STXBP6: variants seen among roughly 807,000 people sequenced by gnomAD.
STXBP6 encodes syntaxin-binding protein 6.
Under a neutral mutation model 26.9 loss-of-function variants are expected in STXBP6, and 21 were observed. The observed-to-expected ratio is 0.78, with a 90% CI of 0.55 to 1.12. The LOEUF (loss-of-function observed/expected upper bound fraction) is 1.12. Ranked by LOEUF, STXBP6 falls within the 50% of genes most tolerant of loss-of-function variation. The probability of loss-of-function intolerance (pLI) is 0.00; values close to 1 mark genes in which losing one functional copy is unlikely to be tolerated. For synonymous variants in STXBP6, 97 were observed against 92.6 expected (o/e 1.05, Z -0.27); for missense variants, 232 against 257.9 (o/e 0.90, Z 0.69).
At chr14:25,033,293 C>CA (rs1359804826) in intron 1 of STXBP6, among the ~76,000 whole-genome samples, 1 of 152,180 alleles carries the variant, frequency 6.6e-6, no homozygotes, top group Non-Finnish European at 1.5e-5. Flanking sequence ...TCCATACCTC[C>CA]ACCCGGTTCG....
At chr14:24,916,459 T>G (rs1045802258) in intron 2 of STXBP6, among the ~76,000 whole-genome samples, 7 of 152,132 alleles carry the variant, frequency 4.6e-5, no homozygotes, top group Admixed American at 4.6e-4. Flanking sequence ...ACTGAGTAAT[T>G]AGCCATAGCA....
At chr14:24,978,923 C>T (rs1353399875) in intron 1 of STXBP6, among the ~76,000 whole-genome samples, 1 of 152,144 alleles carries the variant, frequency 6.6e-6, no homozygotes, top group Non-Finnish European at 1.5e-5. Flanking sequence ...TAAGATGCAA[C>T]ATTTTTGGTT....
chr14:25,007,483 G>C (rs1447929742), intron 1 of STXBP6, among the ~76,000 whole-genome samples: 1 of 152,180 alleles, frequency 6.6e-6, no homozygotes, highest in Non-Finnish European at 1.5e-5. Context: ...CCCAGGTCCT[G>C]ACATGGTTCC....
intron 1 of STXBP6, among the ~76,000 whole-genome samples, chr14:25,007,048 A>T (rs1344990564): frequency 1.3e-5 from 2 of 152,230 alleles, no homozygotes; most frequent in Non-Finnish European, 2.9e-5. Context: ...CATATGACAT[A>T]GACTTTCATG....
intron 2 of STXBP6, among the ~76,000 whole-genome samples, chr14:24,938,872 T>C (rs926761857): frequency 5.3e-5 from 8 of 152,074 alleles, no homozygotes; most frequent in Non-Finnish European, 8.8e-5. Context: ...TGTATTCAAC[T>C]TGCTCTATTA....
intron 2 of STXBP6, among the ~76,000 whole-genome samples, chr14:24,899,597 A>G (rs577063262): frequency 2.0e-5 from 3 of 151,988 alleles, no homozygotes; most frequent in South Asian, 4.2e-4. Flanking sequence ...CCTGGCCAAC[A>G]TGACGAAACC....
chr14:24,974,457 C>T (rs543182804), intron 2 of STXBP6, among the ~76,000 whole-genome samples: 1 of 152,214 alleles, frequency 6.6e-6, no homozygotes, highest in South Asian at 2.1e-4. Context: ...GAAAATACAC[C>T]CGAATTGAAC....
rs572590629 is a variant in STXBP6 at position 25,036,952 on chromosome 14, G to A, written c.-33+12926C>T. ...CCTGAAAAAGACCTGCTTTTTACAC[G>A]GAATATACACGGAATATATTTCCAA... On this transcript the variant is annotated intron_variant, in intron 1 of 5. Coordinates refer to ENST00000323944, the MANE Select transcript of STXBP6 (RefSeq NM_001394410.1). Among the ~76,000 whole-genome samples the A allele has an allele frequency of 2.6e-5, 4 of 151,776 alleles. No homozygotes were observed. In the South Asian group the frequency reaches 8.4e-4, roughly 32 times the overall value.
At chr14:24,815,615 C>A (rs773174029) in intron 5 of STXBP6, 6 of 152,044 alleles carry the variant, frequency 3.9e-5, no homozygotes, top group Non-Finnish European at 7.4e-5. Flanking sequence ...TTTCTTCCCC[C>A]ACACACGTAG....
At chr14:24,911,715 T>C (rs544920985) in intron 2 of STXBP6, among the ~76,000 whole-genome samples, 42 of 152,258 alleles carry the variant, frequency 2.8e-4, no homozygotes, top group Admixed American at 4.6e-4. Context: ...CTCAGAGTGT[T>C]CCAAACCTTT....
intron 1 of STXBP6, among the ~76,000 whole-genome samples, chr14:24,986,422 C>T (rs923879157): frequency 6.6e-6 from 1 of 152,118 alleles, no homozygotes; most frequent in African/African-American, 2.4e-5. Context: ...GAGCCACTGG[C>T]AGAAGAATAC....
At chr14:24,884,445 G>C (rs1269380776) in intron 2 of STXBP6, among the ~76,000 whole-genome samples, 1 of 151,996 alleles carries the variant, frequency 6.6e-6, no homozygotes, top group African/African-American at 2.4e-5. Flanking sequence ...CACAATAAAG[G>C]AATCCTATTT....
chr14:25,033,839 C>T (rs1037529204), intron 1 of STXBP6, among the ~76,000 whole-genome samples: 6 of 152,128 alleles, frequency 3.9e-5, no homozygotes, highest in African/African-American at 7.2e-5. Context: ...CCATGAAAAT[C>T]GGTTACACAC....
intron 2 of STXBP6, among the ~76,000 whole-genome samples, chr14:24,921,311 C>T (rs1219198977): frequency 1.3e-5 from 2 of 152,118 alleles, no homozygotes; most frequent in African/African-American, 2.4e-5. Flanking sequence ...CCAGCTTCAA[C>T]CAGGCATCTA....
Position 24,812,411 on chromosome 14 carries a change from T to A in STXBP6, c.*298A>T. The A allele has an allele frequency of 3.8e-6, 1 of 260,658 alleles. No homozygotes were observed. The highest frequency in any genetic ancestry group is 7.3e-6 in the Non-Finnish European group (1 of 137,792). 16.1% of individuals were successfully genotyped at this position (260,658 alleles called of 1,614,324 possible). ...TTCATATTCAAACTACAAAAAATAT[T>A]TTTTAATAAAGAAAACATATTCAAA... On this transcript the variant is annotated 3_prime_UTR_variant, in exon 6 of 6. Transcript: ENST00000323944.
intron 4 of STXBP6, among the ~76,000 whole-genome samples, chr14:24,853,106 C>A (rs1321231931): frequency 6.6e-6 from 1 of 152,038 alleles, no homozygotes; most frequent in Admixed American, 6.6e-5. Flanking sequence ...TAAAACTATC[C>A]TATTGCATGG....
chr14:25,003,023 G>T (rs1031243177), intron 1 of STXBP6, among the ~76,000 whole-genome samples: 1 of 152,154 alleles, frequency 6.6e-6, no homozygotes, highest in Non-Finnish European at 1.5e-5. Flanking sequence ...CACCGCGGCC[G>T]GCCTAATGTA....
At position 24,884,287 on chromosome 14, in the gene STXBP6, G is replaced by C. The variant is rs149950277; in HGVS notation, c.155-27130C>G. ...AAACACATTCATATCTTCAAATATAGTTTTAAAGAGTTTTGGTTAAAATGA... is the reference window on the plus strand; with the variant it reads ...AAACACATTCATATCTTCAAATATACTTTTAAAGAGTTTTGGTTAAAATGA... On this transcript the variant is annotated intron_variant, in intron 2 of 5. Coordinates refer to ENST00000323944, the MANE Select transcript of STXBP6 (RefSeq NM_001394410.1). Among the ~76,000 whole-genome samples, 319 of 152,288 alleles carry C rather than the reference G, an allele frequency of 2.1e-3. 2 individuals are homozygous for C. Among genetic ancestry groups the C allele is most frequent in the African/African-American group, 7.4e-3 (308 of 41,566 alleles).
chr14:24,824,398 G>A (rs114995626), intron 4 of STXBP6, among the ~76,000 whole-genome samples: 1 of 152,250 alleles, frequency 6.6e-6, no homozygotes, highest in Admixed American at 6.5e-5. Flanking sequence ...ATATTTTATA[G>A]ATGAATAATA....
Sources: gnomAD v4.1 joint callset for allele counts (sites outside exome capture counted in the v4.1 genomes callset) on GRCh38, gnomAD v4.1.1 for gene constraint, MANE v1.5 for transcripts, NCBI Gene and HGNC (gene_info 2026-07-23, HGNC 2026-07-21) for gene names.